INTS8: variants seen among roughly 807,000 people sequenced by gnomAD.
INTS8 encodes protein kaonashi-1.
A neutral mutation model predicts 138.9 loss-of-function variants in INTS8; 47 were observed. The observed-to-expected ratio is 0.34, with a 90% CI of 0.27 to 0.43. The LOEUF (loss-of-function observed/expected upper bound fraction) is 0.43, where lower values mean the gene tolerates loss of function less well. Among genes scored for constraint, INTS8 ranks in the 20% least tolerant of loss-of-function variants. The probability of loss-of-function intolerance (pLI) is 1.00; values close to 1 mark genes in which losing one functional copy is unlikely to be tolerated. For synonymous variants in INTS8, 392 were observed against 400.9 expected, an observed-to-expected ratio of 0.98 and a Z score of 0.27; for missense variants, 996 against 1,173.0, an observed-to-expected ratio of 0.85 and a Z score of 2.20.
chr8:94,874,451 C>A, intron 22 of INTS8, 101 bp from the exon 23 acceptor site: 2 of 714,320 alleles, frequency 2.8e-6, no homozygotes, highest in Non-Finnish European at 2.6e-6. Context: ...CCCGTTCCTC[C>A]ACACACAGCT....
chr8:94,849,557 CTTTTTTT>C lies in INTS8; in HGVS notation c.1331+30_1331+36del, dbSNP rs370192003. 3.6e-6 allele frequency: 4 copies of C among 1,115,410 alleles called. No homozygotes were observed. In the African/African-American group the frequency reaches 4.9e-5, roughly 14 times the overall value. 69.1% of individuals were successfully genotyped at this position (1,115,410 alleles called of 1,614,324 possible). On this transcript the variant is annotated intron_variant, in intron 11 of 26. Coordinates refer to ENST00000523731, the MANE Select transcript of INTS8 (RefSeq NM_017864.4). Reference sequence around the variant, plus strand: ...AGTAAGTACCTTTCTTTTCTTTTTTCTTTTTTTTTTTAACTTTGAACTTAGTCCTGTG... The same window carrying C: ...AGTAAGTACCTTTCTTTTCTTTTTTCTTTTAACTTTGAACTTAGTCCTGTG...
At chr8:94,834,913 G>A (rs1371462540) in intron 6 of INTS8, among the ~76,000 whole-genome samples, 2 of 152,144 alleles carry the variant, frequency 1.3e-5, no homozygotes, top group Non-Finnish European at 2.9e-5. Context: ...TGTTGCCAAA[G>A]GTTGGTTTTG....
Position 94,845,610 on chromosome 8 carries a change from G to A in INTS8, c.1260+3122G>A, listed in dbSNP as rs369180423. Among the ~76,000 whole-genome samples, 10 of 152,240 alleles carry A rather than the reference G, an allele frequency of 6.6e-5. No individual in the cohort carries two copies. In the East Asian group the frequency reaches 1.4e-3, roughly 21 times the overall value. On this transcript the variant is annotated intron_variant, in intron 10 of 26. Coordinates refer to ENST00000523731, the MANE Select transcript of INTS8 (RefSeq NM_017864.4). ...CCTGAGTAGCTGGGACTACAGGCAC[G>A]CGCCACCATGCCTGGCTTATTTTTG...
intron 16 of INTS8, among the ~76,000 whole-genome samples, chr8:94,862,565 A>G (rs898377941): frequency 6.6e-6 from 1 of 152,186 alleles, no homozygotes; most frequent in Non-Finnish European, 1.5e-5. Flanking sequence ...TTGGTTGCCT[A>G]ACTCTGGGAG....
At chr8:94,844,398 C>T (rs1205641163) in intron 10 of INTS8, among the ~76,000 whole-genome samples, 1 of 152,134 alleles carries the variant, frequency 6.6e-6, no homozygotes, top group Non-Finnish European at 1.5e-5. Context: ...CTCACTGCAA[C>T]CTCCACCTCC....
At chr8:94,825,471 A>T (rs187454790) in intron 2 of INTS8, among the ~76,000 whole-genome samples, 1 of 151,942 alleles carries the variant, frequency 6.6e-6, no homozygotes, top group East Asian at 1.9e-4. Context: ...TATTCTTGAT[A>T]AAATATGCAA....
intron 7 of INTS8, among the ~76,000 whole-genome samples, chr8:94,837,815 G>A (rs778185548): frequency 1.3e-5 from 2 of 152,040 alleles, no homozygotes; most frequent in East Asian, 1.9e-4. Context: ...GGGTCAGTTA[G>A]CAAATATCTT....
rs770100863 is a variant in INTS8, at chr8:94,829,063, G to C, written c.570+37G>C. On this transcript the variant is annotated intron_variant, in intron 5 of 26. Coordinates refer to ENST00000523731, the MANE Select transcript of INTS8 (RefSeq NM_017864.4). Reference sequence around the variant, plus strand: ...CATCAGTTACACAGTAACACTTCAGGAACAACTTTAGAGCAGCAGTTCCCA... The same window carrying C: ...CATCAGTTACACAGTAACACTTCAGCAACAACTTTAGAGCAGCAGTTCCCA... 3 of 1,489,176 alleles carry C rather than the reference G, an allele frequency of 2.0e-6. No individual in the cohort carries two copies. In the Admixed American group the frequency reaches 5.5e-5, roughly 27 times the overall value. The allele number at this position is 1,489,176 out of a possible 1,614,324, so 92.2% of individuals were successfully genotyped here.
intron 16 of INTS8, among the ~76,000 whole-genome samples, chr8:94,861,163 G>C (rs1042162564): frequency 6.7e-6 from 1 of 149,146 alleles, no homozygotes; most frequent in Non-Finnish European, 1.5e-5. Flanking sequence ...CTTCCTTCAC[G>C]TATGTCCTTT....
intron 26 of INTS8, among the ~76,000 whole-genome samples, chr8:94,878,744 T>C (rs1232393227): frequency 6.6e-6 from 1 of 152,230 alleles, no homozygotes; most frequent in East Asian, 1.9e-4. Flanking sequence ...ACTTCTGCCA[T>C]CACTGCTCTT....
intron 14 of INTS8, among the ~76,000 whole-genome samples, chr8:94,855,006 A>G (rs1815693560): frequency 2.0e-5 from 3 of 149,264 alleles, no homozygotes. Flanking sequence ...TCAGCCTCCC[A>G]AAGTGCTGGC....
chr8:94,869,549 G>C (rs1301760001), intron 20 of INTS8, among the ~76,000 whole-genome samples: 1 of 151,902 alleles, frequency 6.6e-6, no homozygotes, highest in Non-Finnish European at 1.5e-5. Flanking sequence ...CTGGAGTGCA[G>C]TGGCATGATC....
rs1273648730 is a variant in INTS8, at chr8:94,824,977, C to T, written c.215C>T (p.Pro72Leu). The change falls in exon 2 of 27, where the codon CCG becomes CTG. Residue 72 changes from proline (P) to leucine (L), a missense_variant. Transcript: ENST00000523731. ...AATGAACAAAACCAAGTTCAACCTC[C>T]GCCTGATAACAAGAGAAATCGTATT... ...SVNEQNQVQP[P>L]PDNKRNRILK... 5.6e-6 allele frequency: 9 copies of T among 1,612,150 alleles called. No individual in the cohort carries two copies. Among genetic ancestry groups the T allele is most frequent in the Non-Finnish European group, 7.6e-6 (9 of 1,178,558 alleles).
intron 26 of INTS8, among the ~76,000 whole-genome samples, chr8:94,878,602 CTA>C (rs1052084245): frequency 6.6e-6 from 1 of 152,100 alleles, no homozygotes; most frequent in Non-Finnish European, 1.5e-5. Flanking sequence ...AATTGATTTC[CTA>C]TATAGTCAAC....
At chr8:94,856,750 C>A in intron 14 of INTS8, 27 bp from the exon 15 acceptor site, 1 of 1,602,894 alleles carries the variant, frequency 6.2e-7, no homozygotes, top group Non-Finnish European at 8.5e-7. Context: ...GGAAAGGTGA[C>A]CCAGGCTATT....
chr8:94,823,428 C>T lies in INTS8; in HGVS notation c.-4C>T. The T allele has an allele frequency of 6.6e-7, 1 of 1,524,182 alleles. No individual in the cohort carries two copies. Among genetic ancestry groups the T allele is most frequent in the Non-Finnish European group, 8.8e-7 (1 of 1,137,112 alleles). The allele number at this position is 1,524,182 out of a possible 1,614,324, so 94.4% of individuals were successfully genotyped here. On this transcript the variant is annotated 5_prime_UTR_variant, in exon 1 of 27. Coordinates refer to ENST00000523731, the MANE Select transcript of INTS8 (RefSeq NM_017864.4). ...GCCCTGGTGGTAGCGGCGGCGGGGG[C>T]AGGATGAGCGCGGAGGCGGCGGACC...
intron 26 of INTS8, among the ~76,000 whole-genome samples, chr8:94,878,902 T>C (rs1816675929): frequency 6.6e-6 from 1 of 152,222 alleles, no homozygotes; most frequent in Admixed American, 6.5e-5. Flanking sequence ...ATTTCTTCCT[T>C]TTTGTTTTGG....
chr8:94,852,881 T>C (rs1815602339), intron 13 of INTS8, among the ~76,000 whole-genome samples: 1 of 152,198 alleles, frequency 6.6e-6, no homozygotes. Flanking sequence ...GTGCTGGGAT[T>C]ATAGGCATGA....
intron 16 of INTS8, among the ~76,000 whole-genome samples, chr8:94,862,261 T>C (rs189553625): frequency 2.0e-4 from 30 of 152,324 alleles, no homozygotes; most frequent in Non-Finnish European, 3.5e-4. Flanking sequence ...TCTATCTCTT[T>C]AGTGAACTTT....
Sources: allele counts gnomAD v4.1 joint callset (sites outside exome capture counted in the v4.1 genomes callset), GRCh38; gene constraint gnomAD v4.1.1; transcripts MANE v1.5; gene names NCBI Gene and HGNC (gene_info 2026-07-23, HGNC 2026-07-21).